The following MYO3A variants were observed in gnomAD, a reference collection of about 807,000 sequenced individuals.
MYO3A encodes myosin-IIIa.
MYO3A carries 180 observed loss-of-function variants against 192.7 expected under a neutral mutation model. The observed-to-expected ratio is 0.93, with a 90% CI of 0.83 to 1.06. MYO3A has a LOEUF of 1.06. Among genes scored for constraint, MYO3A ranks in the 50% least tolerant of loss-of-function variants. The probability of loss-of-function intolerance (pLI) is 0.00; values close to 1 mark genes in which losing one functional copy is unlikely to be tolerated. For missense variants in MYO3A, 1,896 were observed against 1,905.0 expected (o/e 1.00, Z 0.09); for synonymous variants, 628 against 645.3 (o/e 0.97, Z 0.41).
intron 3 of MYO3A, 97 bp downstream of exon 3, chr10:25,952,375 A>T: frequency 7.9e-7 from 1 of 1,262,688 alleles, no homozygotes; most frequent in Non-Finnish European, 1.1e-6. Context: ...TCACAATAGC[A>T]GTCTAAAACA....
intron 4 of MYO3A, among the ~76,000 whole-genome samples, chr10:25,963,727 T>G (rs1838085317): frequency 6.6e-6 from 1 of 152,148 alleles, no homozygotes; most frequent in Non-Finnish European, 1.5e-5. Flanking sequence ...AGGCTATTAT[T>G]TGGTGTACTT....
chr10:26,105,122 G>C (rs1195926182), intron 17 of MYO3A, among the ~76,000 whole-genome samples: 1 of 151,996 alleles, frequency 6.6e-6, no homozygotes, highest in African/African-American at 2.4e-5. Context: ...GCCATGACTG[G>C]GCATATAACT....
At chr10:26,161,987 A>G (rs1841507015) in intron 26 of MYO3A, among the ~76,000 whole-genome samples, 1 of 152,220 alleles carries the variant, frequency 6.6e-6, no homozygotes. Flanking sequence ...TGAAAGATTC[A>G]AAGTCCAAAG....
rs147506783 is a variant in MYO3A, at chr10:26,113,671, G to A, written c.1777-7005G>A. Among the ~76,000 whole-genome samples the A allele has an allele frequency of 3.4e-4, 52 of 152,068 alleles. No homozygotes were observed. In the East Asian group the frequency reaches 8.5e-3, roughly 25 times the overall value. ...ACATTGATGACTTGAACTAAATGAC[G>A]CAGCCAAGGAGGTAGTTGGTAAAAT... On this transcript the variant is annotated intron_variant, in intron 17 of 34. Coordinates refer to ENST00000642920, the MANE Select transcript of MYO3A (RefSeq NM_017433.5).
intron 2 of MYO3A, among the ~76,000 whole-genome samples, chr10:25,945,669 C>A (rs1836789322): frequency 1.3e-5 from 2 of 152,070 alleles, no homozygotes; most frequent in Non-Finnish European, 2.9e-5. Flanking sequence ...TATATAGTTG[C>A]ATCAGATGTG....
chr10:26,070,697 G>A (rs879420997), intron 14 of MYO3A, among the ~76,000 whole-genome samples: 2 of 151,682 alleles, frequency 1.3e-5, no homozygotes, highest in Non-Finnish European at 2.9e-5. Context: ...TTCTCCTTTT[G>A]TTGCTAGCAG....
intron 6 of MYO3A, among the ~76,000 whole-genome samples, chr10:26,009,984 C>G (rs1013749484): frequency 6.6e-6 from 1 of 152,122 alleles, no homozygotes; most frequent in Non-Finnish European, 1.5e-5. Context: ...TGTATACTCT[C>G]TACAGCTAAG....
intron 6 of MYO3A, among the ~76,000 whole-genome samples, chr10:26,009,186 A>G (rs1426850699): frequency 2.7e-5 from 4 of 150,740 alleles, no homozygotes; most frequent in East Asian, 1.9e-4. Flanking sequence ...GTGAGAACAC[A>G]TGGACACAGG....
chr10:25,970,113 G>T (rs995319834), intron 4 of MYO3A, among the ~76,000 whole-genome samples: 1 of 151,962 alleles, frequency 6.6e-6, no homozygotes, highest in African/African-American at 2.4e-5. Context: ...ATATTAAATG[G>T]AAATTTCAAA....
chr10:26,051,545 A>G (rs1046376626), intron 10 of MYO3A, among the ~76,000 whole-genome samples: 3 of 142,456 alleles, frequency 2.1e-5, no homozygotes, highest in African/African-American at 7.5e-5. Flanking sequence ...TAATACATAT[A>G]TATATTATAT....
chr10:26,211,975 G>A lies in MYO3A; in HGVS notation c.*12G>A, dbSNP rs1450351668. On this transcript the variant is annotated 3_prime_UTR_variant, in exon 35 of 35. Coordinates refer to ENST00000642920, the MANE Select transcript of MYO3A (RefSeq NM_017433.5). ...TCCAGCAGTCCTAACCGTTCAACGA[G>A]GCAGTCACCGCCGTCGGAAGGCGCT... 6.2e-7 allele frequency: 1 copy of A among 1,608,366 alleles called. No individual in the cohort carries two copies. The highest frequency in any genetic ancestry group is 8.5e-7 in the Non-Finnish European group (1 of 1,175,458).
chr10:26,206,942 T>A (rs181975170), intron 34 of MYO3A, among the ~76,000 whole-genome samples: 1 of 152,346 alleles, frequency 6.6e-6, no homozygotes, highest in East Asian at 1.9e-4. Flanking sequence ...ATTTCCCCAA[T>A]GATTAGTGAT....
rs555881210 is a variant in MYO3A, at chr10:26,156,971, A to C, written c.2794-339A>C. Among the ~76,000 whole-genome samples the C allele has an allele frequency of 2.0e-5, 3 of 152,330 alleles. No individual in the cohort carries two copies. The South Asian group carries it at 6.2e-4, about 32-fold the overall frequency. On this transcript the variant is annotated intron_variant, in intron 25 of 34. Coordinates refer to ENST00000642920, the MANE Select transcript of MYO3A (RefSeq NM_017433.5). ...ATTAGTAAGATTGTATAATATTATA[A>C]TTTGGTAAGTTAGCCTAAGAGTATA...
intron 19 of MYO3A, among the ~76,000 whole-genome samples, chr10:26,126,661 A>T (rs538650749): frequency 6.6e-6 from 1 of 152,128 alleles, no homozygotes; most frequent in African/African-American, 2.4e-5. Flanking sequence ...TATTATCTGT[A>T]TATTCCAGAA....
At position 26,088,328 on chromosome 10, in the gene MYO3A, C is replaced by CTA. The variant is rs1333152011; in HGVS notation, c.1485_1486insTA (p.Thr496Ter). ...TTGGAAAATACTTAGAAATGAAATTCACCTCTTCTGGAGCGGTAGTGGGAG... is the reference window on the plus strand; with the variant it reads ...TTGGAAAATACTTAGAAATGAAATTCTAACCTCTTCTGGAGCGGTAGTGGGAG... On this transcript the variant is annotated frameshift_variant, in exon 15 of 35. Coordinates refer to ENST00000642920, the MANE Select transcript of MYO3A (RefSeq NM_017433.5). LOFTEE classifies it high-confidence loss of function. The CTA allele has an allele frequency of 6.2e-7, 1 of 1,613,874 alleles. No individual in the cohort carries two copies.
intron 33 of MYO3A, among the ~76,000 whole-genome samples, chr10:26,202,246 C>T (rs1378672289): frequency 6.6e-6 from 1 of 152,184 alleles, no homozygotes; most frequent in African/African-American, 2.4e-5. Flanking sequence ...GAATCAGTGA[C>T]ATCCTGAAAG....
chr10:26,087,283 C>T (rs1836394893), intron 14 of MYO3A, among the ~76,000 whole-genome samples: 1 of 152,122 alleles, frequency 6.6e-6, no homozygotes, highest in South Asian at 2.1e-4. Flanking sequence ...TATAAGATAC[C>T]CAAAGTTCTT....
At chr10:26,206,610 A>G (rs547710526) in intron 34 of MYO3A, among the ~76,000 whole-genome samples, 1 of 149,966 alleles carries the variant, frequency 6.7e-6, no homozygotes, top group African/African-American at 2.4e-5. Context: ...CACCATACCC[A>G]TCTAATTTTT....
At chr10:26,199,557 G>A (rs534394400) in intron 32 of MYO3A, among the ~76,000 whole-genome samples, 5 of 152,034 alleles carry the variant, frequency 3.3e-5, no homozygotes, top group Admixed American at 6.5e-5. Context: ...GTCACAGAGC[G>A]AGACACTGTC....
Sources: allele counts gnomAD v4.1 joint callset (sites outside exome capture counted in the v4.1 genomes callset), GRCh38; gene constraint gnomAD v4.1.1; transcripts MANE v1.5; gene names NCBI Gene and HGNC (gene_info 2026-07-23, HGNC 2026-07-21).